Variants in STXBP5L observed in about 807,000 individuals in gnomAD.
STXBP5L encodes syntaxin binding protein 5L, also known as syntaxin-binding protein 5-like.
In STXBP5L, 65 loss-of-function variants were observed where a neutral mutation model predicts 144.5. The observed-to-expected ratio is 0.45, with a 90% CI of 0.37 to 0.55. STXBP5L has a LOEUF of 0.55. Among genes scored for constraint, STXBP5L ranks in the 20% least tolerant of loss-of-function variants. STXBP5L has a pLI of 0.00. For synonymous variants in STXBP5L, 505 were observed against 469.6 expected, an observed-to-expected ratio of 1.08 and a Z score of -0.97; for missense variants, 1,298 against 1,405.5, an observed-to-expected ratio of 0.92 and a Z score of 1.22.
At chr3:121,029,811 C>G (rs1376481332) in intron 3 of STXBP5L, among the ~76,000 whole-genome samples, 1 of 149,696 alleles carries the variant, frequency 6.7e-6, no homozygotes, top group African/African-American at 2.5e-5. Context: ...GCAGAATCTA[C>G]AAGGAACTTA....
intron 3 of STXBP5L, among the ~76,000 whole-genome samples, chr3:120,989,125 T>C (rs1324254124): frequency 1.3e-5 from 2 of 152,164 alleles, no homozygotes; most frequent in Admixed American, 1.3e-4. Context: ...CTGTGCTAAA[T>C]GTATAAGTGC....
chr3:121,389,233 G>A (rs1467064423), intron 22 of STXBP5L, among the ~76,000 whole-genome samples: 3 of 152,120 alleles, frequency 2.0e-5, no homozygotes, highest in Non-Finnish European at 2.9e-5. Context: ...GATGAGTGGT[G>A]ATATCCCTTT....
chr3:121,410,443 T>G (rs964260585), intron 23 of STXBP5L, among the ~76,000 whole-genome samples: 1 of 152,058 alleles, frequency 6.6e-6, no homozygotes. Context: ...AACAATGGTA[T>G]GTACTCTGCT....
At chr3:121,058,445 T>A (rs1948603570) in intron 5 of STXBP5L, among the ~76,000 whole-genome samples, 1 of 152,232 alleles carries the variant, frequency 6.6e-6, no homozygotes, top group African/African-American at 2.4e-5. Context: ...TGCATGTGCA[T>A]GTGTCTTTAT....
At chr3:121,077,951 C>G (rs2042091783) in intron 5 of STXBP5L, among the ~76,000 whole-genome samples, 1 of 151,730 alleles carries the variant, frequency 6.6e-6, no homozygotes, top group African/African-American at 2.4e-5. Flanking sequence ...TAAAGATTCT[C>G]CAAGTCCCCA....
chr3:120,940,406 T>TA (rs1710506814), intron 2 of STXBP5L, among the ~76,000 whole-genome samples: 1 of 151,936 alleles, frequency 6.6e-6, no homozygotes, highest in Non-Finnish European at 1.5e-5. Context: ...TTTGAGTTCT[T>TA]AAGAGTCTAG....
At chr3:121,312,075 A>G (rs2043550024) in intron 19 of STXBP5L, among the ~76,000 whole-genome samples, 3 of 152,216 alleles carry the variant, frequency 2.0e-5, no homozygotes, top group Non-Finnish European at 4.4e-5. Context: ...CAAACCTGAG[A>G]AAAACAAGCA....
At chr3:121,343,179 C>A (rs1345182620) in intron 20 of STXBP5L, among the ~76,000 whole-genome samples, 1 of 152,056 alleles carries the variant, frequency 6.6e-6, no homozygotes, top group Non-Finnish European at 1.5e-5. Flanking sequence ...CCTTCACCCA[C>A]TTTTTGATGG....
rs529749888 is a variant in STXBP5L, at chr3:121,404,013, G to A, written c.2588-3230G>A. Reference sequence around the variant, plus strand: ...AGCTTCATGCCTTTAAATGTCTGATGGATCATACATTTATATTTATAGTCT... The same window carrying A: ...AGCTTCATGCCTTTAAATGTCTGATAGATCATACATTTATATTTATAGTCT... On this transcript the variant is annotated intron_variant, in intron 22 of 26. Coordinates refer to ENST00000471454, the MANE Select transcript of STXBP5L (RefSeq NM_001308330.2). Among the ~76,000 whole-genome samples the A allele has an allele frequency of 4.6e-5, 7 of 151,934 alleles. No homozygotes were observed. In the South Asian group the frequency reaches 1.0e-3, roughly 22 times the overall value.
intron 19 of STXBP5L, 43 bp from the exon 20 acceptor site, chr3:121,318,432 A>T: frequency 6.8e-7 from 1 of 1,479,858 alleles, no homozygotes; most frequent in Non-Finnish European, 9.1e-7. Flanking sequence ...AACCTACAAA[A>T]TGCTAGCAAA....
chr3:121,180,545 A>C (rs946477612), intron 9 of STXBP5L, among the ~76,000 whole-genome samples: 1 of 152,184 alleles, frequency 6.6e-6, no homozygotes, highest in Non-Finnish European at 1.5e-5. Flanking sequence ...CAAACAAACA[A>C]TGTATTTAGG....
chr3:121,052,427 A>G (rs1948088463), intron 5 of STXBP5L, among the ~76,000 whole-genome samples: 1 of 152,218 alleles, frequency 6.6e-6, no homozygotes, highest in Non-Finnish European at 1.5e-5. Context: ...CCTGGGATGG[A>G]AGGCTGGTTC....
intron 2 of STXBP5L, among the ~76,000 whole-genome samples, chr3:120,936,476 G>T (rs1435224763): frequency 6.6e-6 from 1 of 152,162 alleles, no homozygotes; most frequent in Non-Finnish European, 1.5e-5. Flanking sequence ...TCTGATTGGG[G>T]TCAAGCTGTG....
intron 20 of STXBP5L, among the ~76,000 whole-genome samples, chr3:121,332,294 T>C (rs2044345165): frequency 2.6e-5 from 4 of 151,526 alleles, no homozygotes; most frequent in South Asian, 4.1e-4. Flanking sequence ...AAAGGGTTGA[T>C]TATTAAGTTA....
intron 3 of STXBP5L, among the ~76,000 whole-genome samples, chr3:120,959,852 C>A (rs1019625729): frequency 9.9e-5 from 15 of 151,874 alleles, no homozygotes; most frequent in South Asian, 2.1e-4. Flanking sequence ...TGGGCAAGGA[C>A]TTCATGACTA....
intron 3 of STXBP5L, among the ~76,000 whole-genome samples, chr3:120,982,919 C>T (rs1430311701): frequency 1.3e-5 from 2 of 152,194 alleles, no homozygotes; most frequent in African/African-American, 4.8e-5. Context: ...GGTTCAGGTG[C>T]TGCCTGTGAT....
At chr3:121,242,512 G>T (rs1336551499) in intron 14 of STXBP5L, among the ~76,000 whole-genome samples, 1 of 152,042 alleles carries the variant, frequency 6.6e-6, no homozygotes, top group Non-Finnish European at 1.5e-5. Context: ...AAATTATGCA[G>T]AGGTACACTT....
At chr3:121,113,486 A>G (rs2044089991) in intron 5 of STXBP5L, among the ~76,000 whole-genome samples, 1 of 152,058 alleles carries the variant, frequency 6.6e-6, no homozygotes, top group Admixed American at 6.6e-5. Flanking sequence ...CTACACAATT[A>G]CTATTGTCAA....
chr3:121,347,269 G>A (rs2045034448), intron 20 of STXBP5L, among the ~76,000 whole-genome samples: 1 of 152,084 alleles, frequency 6.6e-6, no homozygotes, highest in Non-Finnish European at 1.5e-5. Flanking sequence ...TTGTAGATAT[G>A]TGGCATTATT....
Sources: allele counts gnomAD v4.1 joint callset (sites outside exome capture counted in the v4.1 genomes callset), GRCh38; gene constraint gnomAD v4.1.1; transcripts MANE v1.5; gene names NCBI Gene and HGNC (gene_info 2026-07-23, HGNC 2026-07-21).